KANSL2: variants seen among roughly 807,000 people sequenced by gnomAD.
KANSL2 encodes KAT8 regulatory NSL complex subunit 2.
Under a neutral mutation model 55.6 loss-of-function variants are expected in KANSL2, and 34 were observed. The observed-to-expected ratio is 0.61, with a 90% CI of 0.46 to 0.81. The LOEUF (loss-of-function observed/expected upper bound fraction) is 0.81, where lower values mean the gene tolerates loss of function less well. Among genes scored for constraint, KANSL2 ranks in the 40% least tolerant of loss-of-function variants. The pLI, the probability that KANSL2 is intolerant of heterozygous loss-of-function variation, is 0.00. For missense variants in KANSL2, 502 were observed against 609.9 expected (o/e 0.82, Z 1.86); for synonymous variants, 209 against 214.3 (o/e 0.98, Z 0.22).
chr12:48,678,655 T>C (rs1371504064), intron 4 of KANSL2, among the ~76,000 whole-genome samples: 3 of 152,306 alleles, frequency 2.0e-5, no homozygotes, highest in East Asian at 3.9e-4. Flanking sequence ...TTTGCAGAAG[T>C]ATTCAACTAC....
chr12:48,681,257 G>A (rs1322748030), intron 2 of KANSL2, 125 bp downstream of exon 2: 2 of 1,116,720 alleles, frequency 1.8e-6, no homozygotes, highest in Admixed American at 5.7e-5. Context: ...GTTTTCCAAG[G>A]ATACAACCAT....
intron 2 of KANSL2, 33 bp from the exon 3 acceptor site, chr12:48,679,866 T>A: frequency 1.3e-6 from 2 of 1,527,212 alleles, no homozygotes; most frequent in African/African-American, 2.8e-5. Flanking sequence ...TTTTATAAGT[T>A]CCTTCTTGAA....
intron 3 of KANSL2, chr12:48,679,371 C>CA (rs1939880566): frequency 3.2e-6 from 2 of 624,712 alleles, no homozygotes; most frequent in Non-Finnish European, 5.6e-6. Flanking sequence ...CCCTCTCAAA[C>CA]AGAAAAATCA....
rs2137210389 is a variant in KANSL2 at position 48,682,234 on chromosome 12, C to G, written c.-57G>C. 1.6e-6 allele frequency: 1 copy of G among 624,550 alleles called. No homozygotes were observed. Among genetic ancestry groups the G allele is most frequent in the Middle Eastern group, 4.0e-4 (1 of 2,480 alleles). The allele number at this position is 624,550 out of a possible 1,614,324, so 38.7% of individuals were successfully genotyped here. A position where few individuals can be genotyped will look rare whatever the true frequency, so the allele number is the denominator to read the frequency against. Reference sequence around the variant, plus strand: ...ACTCTGCCGCGCCGCTCGCCCTTCTCTAGTGGCGCCAGCGGCTCTCAGATC... The same window carrying G: ...ACTCTGCCGCGCCGCTCGCCCTTCTGTAGTGGCGCCAGCGGCTCTCAGATC... On this transcript the variant is annotated 5_prime_UTR_variant, in exon 1 of 10. Transcript: ENST00000420613.
In KANSL2 at chr12:48,671,870, C is replaced by T. The variant is rs1208699165; in HGVS notation, c.638G>A (p.Arg213Gln). The T allele has an allele frequency of 1.9e-6, 3 of 1,613,350 alleles. No homozygotes were observed. Among genetic ancestry groups the T allele is most frequent in the Non-Finnish European group, 2.5e-6 (3 of 1,179,614 alleles). ...CTTCTCCTTGAGCAGATGCTGAAGT[C>T]GTTTAAACTGATCAATATACAACGA... Reference protein sequence around the residue: ...LQSLYIDQFKRLQHLLKEKKR... With the variant: ...LQSLYIDQFKQLQHLLKEKKR... Residue 213 changes from arginine to glutamine, a missense_variant, in exon 5 of 10, where the codon CGA becomes CAA. Coordinates refer to ENST00000420613, the MANE Select transcript of KANSL2 (RefSeq NM_017822.4).
chr12:48,662,592 G>A, intron 7 of KANSL2: 1 of 1,286,944 alleles, frequency 7.8e-7, no homozygotes, highest in Non-Finnish European at 1.0e-6. Flanking sequence ...TTTCAGTCGA[G>A]TGCTGTCTCC....
intron 1 of KANSL2, 176 bp downstream of exon 1, chr12:48,682,011 C>G (rs1249962681): frequency 2.8e-6 from 2 of 702,906 alleles, no homozygotes; most frequent in South Asian, 1.5e-5. Flanking sequence ...GAAGCCTATG[C>G]GAGCGCCATT....
At chr12:48,659,537 C>T (rs894813070) in intron 8 of KANSL2, among the ~76,000 whole-genome samples, 6 of 151,938 alleles carry the variant, frequency 3.9e-5, no homozygotes, top group African/African-American at 1.5e-4. Context: ...ACAGGAGGAT[C>T]ACTTAAGCCC....
intron 7 of KANSL2, chr12:48,661,322 T>A (rs1253477596): frequency 2.3e-6 from 1 of 440,688 alleles, no homozygotes; most frequent in Non-Finnish European, 3.0e-6. Context: ...AGGACTCTAT[T>A]AACAACTTTT....
chr12:48,653,902 G>T lies in KANSL2; in HGVS notation c.*142C>A, dbSNP rs538034265. ...CCACGGTCCACGTCCTCAAAATTTG[G>T]CTTTACGTTTGACTATAATACTCAA... is the stretch of plus-strand genomic sequence containing the variant. On this transcript the variant is annotated 3_prime_UTR_variant, in exon 10 of 10. Coordinates refer to ENST00000420613, the MANE Select transcript of KANSL2 (RefSeq NM_017822.4). 15 of 781,040 alleles carry T rather than the reference G, an allele frequency of 1.9e-5. No individual in the cohort carries two copies. The African/African-American group carries it at 2.5e-4, about 13-fold the overall frequency. The allele number at this position is 781,040 out of a possible 1,614,324, so 48.4% of individuals were successfully genotyped here.
At chr12:48,681,932 C>T in intron 1 of KANSL2, 1 of 703,244 alleles carries the variant, frequency 1.4e-6, no homozygotes, top group Non-Finnish European at 2.6e-6. Flanking sequence ...CACGCGGCGG[C>T]CACGCCGCCT....
intron 7 of KANSL2, among the ~76,000 whole-genome samples, chr12:48,662,987 A>G (rs1272382127): frequency 6.6e-6 from 1 of 152,246 alleles, no homozygotes; most frequent in Non-Finnish European, 1.5e-5. Flanking sequence ...ATTTGGTTTC[A>G]TGCAATTTCA....
chr12:48,654,329 G>T, intron 9 of KANSL2, 154 bp from the exon 10 acceptor site: 1 of 899,174 alleles, frequency 1.1e-6, no homozygotes, highest in Non-Finnish European at 1.9e-6. Flanking sequence ...AGCTATCCTA[G>T]TCCCTTGGAA....
At chr12:48,655,133 C>G in intron 8 of KANSL2, 73 bp from the exon 9 acceptor site, 1 of 1,462,914 alleles carries the variant, frequency 6.8e-7, no homozygotes, top group Non-Finnish European at 9.3e-7. Context: ...TTTCAGCAAA[C>G]TTTAAAGCAA....
chr12:48,653,899 T>G lies in KANSL2; in HGVS notation c.*145A>C. ...AACCCACGGTCCACGTCCTCAAAAT[T>G]TGGCTTTACGTTTGACTATAATACT... On this transcript the variant is annotated 3_prime_UTR_variant, in exon 10 of 10. Transcript: ENST00000420613. 1 of 730,536 alleles carries G rather than the reference T, an allele frequency of 1.4e-6. No homozygotes were observed. The highest frequency in any genetic ancestry group is 2.1e-6 in the Non-Finnish European group (1 of 481,792). The allele number at this position is 730,536 out of a possible 1,614,324, so 45.3% of individuals were successfully genotyped here. A position where few individuals can be genotyped will look rare whatever the true frequency, so the allele number is the denominator to read the frequency against.
At chr12:48,659,526 G>A (rs1439706440) in intron 8 of KANSL2, among the ~76,000 whole-genome samples, 1 of 151,690 alleles carries the variant, frequency 6.6e-6, no homozygotes, top group African/African-American at 2.4e-5. Flanking sequence ...GGGAGGCTGA[G>A]ACAGGAGGAT....
chr12:48,678,456 T>TA (rs1005015004), intron 4 of KANSL2, among the ~76,000 whole-genome samples: 52 of 150,456 alleles, frequency 3.5e-4, no homozygotes, highest in African/African-American at 9.7e-4. Flanking sequence ...TTCTTCTTTT[T>TA]AAAAAAAAAA....
intron 8 of KANSL2, among the ~76,000 whole-genome samples, chr12:48,660,052 T>C (rs1213064738): frequency 2.6e-5 from 4 of 152,184 alleles, no homozygotes; most frequent in Non-Finnish European, 5.9e-5. Context: ...GAAAACCTTC[T>C]GAAATTAGAT....
At chr12:48,670,789 G>T (rs924970471) in intron 5 of KANSL2, among the ~76,000 whole-genome samples, 28 of 152,110 alleles carry the variant, frequency 1.8e-4, no homozygotes, top group African/African-American at 6.8e-4. Flanking sequence ...GGGCAACATA[G>T]CGAGACCCTG....
Sources: gnomAD v4.1 joint callset for allele counts (sites outside exome capture counted in the v4.1 genomes callset) on GRCh38, gnomAD v4.1.1 for gene constraint, MANE v1.5 for transcripts, NCBI Gene and HGNC (gene_info 2026-07-23, HGNC 2026-07-21) for gene names.